The following DAOA variants were observed in gnomAD, a reference collection of about 807,000 sequenced individuals.
DAOA encodes D-amino acid oxidase regulator.
DAOA carries 15 observed loss-of-function variants against 16.4 expected under a neutral mutation model. That is an observed-to-expected ratio of 0.91 (90% CI 0.61 to 1.41). DAOA has a LOEUF of 1.41. Among genes scored for constraint, DAOA ranks in the 40% most tolerant of loss-of-function variants. The pLI, the probability that DAOA is intolerant of heterozygous loss-of-function variation, is 0.00. For missense variants in DAOA, 230 were observed against 176.8 expected (o/e 1.30, Z -1.71); for synonymous variants, 75 against 59.1 (o/e 1.27, Z -1.23).
At chr13:105,486,551 C>G (rs1169465634) in intron 4 of DAOA, among the ~76,000 whole-genome samples, 1 of 151,714 alleles carries the variant, frequency 6.6e-6, no homozygotes, top group Non-Finnish European at 1.5e-5. Flanking sequence ...ACAAAATATT[C>G]TTTGGATGCA....
chr13:105,470,107 C>T (rs1184696091), intron 3 of DAOA, among the ~76,000 whole-genome samples: 1 of 135,542 alleles, frequency 7.4e-6, no homozygotes, highest in Non-Finnish European at 1.6e-5. Flanking sequence ...AATCATCTTG[C>T]TCATTGGAAT....
intron 3 of DAOA, among the ~76,000 whole-genome samples, chr13:105,470,796 T>A (rs1876878713): frequency 5.1e-5 from 3 of 58,452 alleles, no homozygotes; most frequent in Non-Finnish European, 1.1e-4. Flanking sequence ...TTTTCTTTTT[T>A]CTTTTTTCTT....
chr13:105,469,589 G>A (rs935995847), intron 3 of DAOA, among the ~76,000 whole-genome samples: 11 of 152,260 alleles, frequency 7.2e-5, no homozygotes, highest in South Asian at 2.1e-4. Context: ...CCTTCACATC[G>A]TTGTGAGAGT....
intron 4 of DAOA, among the ~76,000 whole-genome samples, chr13:105,480,518 G>GGATAGATAGATA (rs1304542023): frequency 7.1e-6 from 1 of 140,992 alleles, no homozygotes; most frequent in Non-Finnish European, 1.5e-5. Context: ...ATGGATGGAT[G>GGATAGATAGATA]GATAGATACA....
chr13:105,467,881 TG>T (rs1876646119), intron 3 of DAOA, among the ~76,000 whole-genome samples: 2 of 152,114 alleles, frequency 1.3e-5, no homozygotes, highest in African/African-American at 4.8e-5. Context: ...AATTTAGTGG[TG>T]AAAAAAACAA....
chr13:105,471,311 A>G (rs1419711282), intron 3 of DAOA, among the ~76,000 whole-genome samples: 2 of 141,014 alleles, frequency 1.4e-5, no homozygotes. Context: ...TGTGTGGCAA[A>G]TGCACTTTAT....
rs368866051 is a variant in DAOA at position 105,489,952 on chromosome 13, T to C, written c.333T>C (p.Tyr111=). 6.8e-6 allele frequency: 11 copies of C among 1,613,738 alleles called. No individual in the cohort carries two copies. In the African/African-American group the frequency reaches 1.5e-4, roughly 22 times the overall value. The change falls in exon 5 of 6, where the codon TAT becomes TAC. Residue 111 remains tyrosine, a synonymous_variant. Coordinates refer to ENST00000375936, the MANE Select transcript of DAOA (RefSeq NM_172370.5). ...HVGKVFMARN[Y]EFLAYEASKD... is the part of the protein sequence containing the mutation. ...GAAAAGTCTTCATGGCAAGAAACTATGAGTTCCTTGCCTATGAGGCCTCTA... is the reference window on the plus strand; with the variant it reads ...GAAAAGTCTTCATGGCAAGAAACTACGAGTTCCTTGCCTATGAGGCCTCTA...
chr13:105,481,739 A>G (rs1877759455), intron 4 of DAOA, among the ~76,000 whole-genome samples: 1 of 152,056 alleles, frequency 6.6e-6, no homozygotes, highest in South Asian at 2.1e-4. Context: ...TCTCCCTTGT[A>G]TCCTTCTCAT....
At chr13:105,475,390 TA>T (rs1877259701) in intron 4 of DAOA, among the ~76,000 whole-genome samples, 1 of 152,170 alleles carries the variant, frequency 6.6e-6, no homozygotes, top group Non-Finnish European at 1.5e-5. Context: ...ATCAGGTGGC[TA>T]AATGGGAGTA....
At position 105,466,239 on chromosome 13, in the gene DAOA, G is replaced by A. The variant is rs927809179; in HGVS notation, c.-50G>A. The stretch of plus-strand genomic sequence containing the variant: ...AGGATTTGGAAAGGGCATGGCAGGA[G>A]GTCTCATCTCTGCTTCACAATGCCG... On this transcript the variant is annotated 5_prime_UTR_variant, in exon 2 of 6. Transcript: ENST00000375936. 1.1e-5 allele frequency: 18 copies of A among 1,612,884 alleles called. No homozygotes were observed. Among genetic ancestry groups the A allele is most frequent in the Non-Finnish European group, 1.4e-5 (17 of 1,179,400 alleles).
intron 4 of DAOA, among the ~76,000 whole-genome samples, chr13:105,473,618 C>T (rs555231005): frequency 5.4e-4 from 82 of 152,104 alleles, no homozygotes; most frequent in African/African-American, 2.0e-3. Context: ...AGCCAAGCAG[C>T]TAGAAAATGG....
Position 105,470,942 on chromosome 13 carries a change from C to T in DAOA, c.134-1596C>T, listed in dbSNP as rs577019156. ...AGTAGCTGGGACTACAGGCGCCCAC[C>T]ACCAAGCCTGGCTAATTTTTTGTTT... On this transcript the variant is annotated intron_variant, in intron 3 of 5. Coordinates refer to ENST00000375936, the MANE Select transcript of DAOA (RefSeq NM_172370.5). Among the ~76,000 whole-genome samples the T allele has an allele frequency of 5.3e-5, 8 of 152,274 alleles. No homozygotes were observed. In the East Asian group the frequency reaches 9.7e-4, roughly 18 times the overall value.
At chr13:105,475,250 G>A (rs1418959400) in intron 4 of DAOA, among the ~76,000 whole-genome samples, 2 of 152,110 alleles carry the variant, frequency 1.3e-5, no homozygotes, top group African/African-American at 2.4e-5. Context: ...CAGAGCCTTG[G>A]AGGGCACTAT....
chr13:105,484,378 G>T (rs2035280113), intron 4 of DAOA, among the ~76,000 whole-genome samples: 1 of 152,020 alleles, frequency 6.6e-6, no homozygotes, highest in African/African-American at 2.4e-5. Flanking sequence ...GTAGCTTGCT[G>T]GGATTACAGG....
At chr13:105,477,306 C>T (rs1018653650) in intron 4 of DAOA, 1 of 152,172 alleles carries the variant, frequency 6.6e-6, no homozygotes, top group African/African-American at 2.4e-5. Flanking sequence ...AGTTTCTACT[C>T]TCCCTAAATT....
intron 4 of DAOA, among the ~76,000 whole-genome samples, chr13:105,478,158 A>G (rs1594111712): frequency 6.6e-6 from 1 of 152,244 alleles, no homozygotes; most frequent in Non-Finnish European, 1.5e-5. Context: ...TTAGAACAAC[A>G]TCTAACAATA....
At chr13:105,471,260 G>A (rs1490155218) in intron 3 of DAOA, among the ~76,000 whole-genome samples, 1 of 152,192 alleles carries the variant, frequency 6.6e-6, no homozygotes, top group Non-Finnish European at 1.5e-5. Flanking sequence ...TGATAATTGA[G>A]TTAAAGCCAC....
intron 3 of DAOA, among the ~76,000 whole-genome samples, chr13:105,471,707 C>T (rs190558493): frequency 3.3e-5 from 5 of 152,294 alleles, no homozygotes; most frequent in East Asian, 3.9e-4. Flanking sequence ...AAATCATCTA[C>T]AGGTAAAACT....
At position 105,467,054 on chromosome 13, in the gene DAOA, T is replaced by A. The variant is rs765288322; in HGVS notation, c.46T>A (p.Ser16Thr). 2 of 1,608,312 alleles carry A rather than the reference T, an allele frequency of 1.2e-6. No homozygotes were observed. The highest frequency in any genetic ancestry group is 1.7e-6 in the Non-Finnish European group (2 of 1,177,750). ...MGADSLQLFR[S>T]RYTLGKIYFI... ...ACTGATATTTTCTTTAATTTTTAGA[T>A]CCAGATATACATTGGGTAAAATCTA... The change falls in exon 3 of 6, where the codon TCC becomes ACC. Residue 16 changes from serine (S) to threonine (T), a missense_variant and splice_region_variant. By Grantham distance (58) the Ser-to-Thr change is moderately conservative (BLOSUM62 1). Coordinates refer to ENST00000375936, the MANE Select transcript of DAOA (RefSeq NM_172370.5).
Sources: allele counts gnomAD v4.1 joint callset (sites outside exome capture counted in the v4.1 genomes callset), GRCh38; gene constraint gnomAD v4.1.1; transcripts MANE v1.5; gene names NCBI Gene and HGNC (gene_info 2026-07-23, HGNC 2026-07-21).